Variants in TRIO observed in about 807,000 individuals in gnomAD.
TRIO encodes the protein trio Rho guanine nucleotide exchange factor.
In TRIO, 58 loss-of-function variants were observed where a neutral mutation model predicts 351.9. The ratio of observed to expected loss-of-function variants is 0.16; its 90% CI spans 0.13 to 0.21. The LOEUF (loss-of-function observed/expected upper bound fraction) is 0.21, where lower values mean the gene tolerates loss of function less well. Among genes scored for constraint, TRIO ranks in the 10% least tolerant of loss-of-function variants. The pLI, the probability that TRIO is intolerant of heterozygous loss-of-function variation, is 1.00. For missense variants in TRIO, 3,201 were observed against 4,027.8 expected, an observed-to-expected ratio of 0.79 and a Z score of 5.56; for synonymous variants, 1,758 against 1,595.7, an observed-to-expected ratio of 1.10 and a Z score of -2.42.
intron 21 of TRIO, chr5:14,387,205 A>G: frequency 2.2e-6 from 1 of 461,996 alleles, no homozygotes; most frequent in Middle Eastern, 5.6e-4. Context: ...AAATAGTCTA[A>G]GTTTATTCTT....
chr5:14,393,566 G>A (rs909091181), intron 27 of TRIO, among the ~76,000 whole-genome samples: 3 of 152,086 alleles, frequency 2.0e-5, no homozygotes, highest in African/African-American at 4.8e-5. Flanking sequence ...CTTCTTACCA[G>A]TAACAAGCAT....
chr5:14,158,192 C>T (rs1366360804), intron 1 of TRIO, among the ~76,000 whole-genome samples: 5 of 152,042 alleles, frequency 3.3e-5, no homozygotes, highest in Admixed American at 1.3e-4. Flanking sequence ...TTTAGGAGCC[C>T]GAAGCATGCG....
chr5:14,431,229 G>A (rs1426814202), intron 34 of TRIO, among the ~76,000 whole-genome samples: 1 of 152,192 alleles, frequency 6.6e-6, no homozygotes, highest in Non-Finnish European at 1.5e-5. Context: ...TGGGGCTTCT[G>A]AGACGTGTTC....
chr5:14,205,219 T>G (rs1581346712), intron 1 of TRIO, among the ~76,000 whole-genome samples: 2 of 152,076 alleles, frequency 1.3e-5, no homozygotes. Flanking sequence ...GCCAGGGAGG[T>G]GGAGTTACTT....
intron 5 of TRIO, among the ~76,000 whole-genome samples, 188 bp downstream of exon 5, chr5:14,291,416 A>G (rs1736891596): frequency 6.6e-6 from 1 of 151,948 alleles, no homozygotes; most frequent in African/African-American, 2.4e-5. Context: ...TGTGCAATAC[A>G]GTGCTGTTTT....
chr5:14,304,359 G>GA (rs1413468316), intron 7 of TRIO, 102 bp from the exon 8 acceptor site: 1 of 1,211,656 alleles, frequency 8.3e-7, no homozygotes, highest in African/African-American at 1.5e-5. Flanking sequence ...AAATTCTTAG[G>GA]ATCTCCCTCA....
intron 1 of TRIO, among the ~76,000 whole-genome samples, chr5:14,183,306 C>T (rs925251111): frequency 6.6e-6 from 1 of 152,088 alleles, no homozygotes; most frequent in African/African-American, 2.4e-5. Context: ...TGACTTCTCT[C>T]CATCAGCAAG....
intron 19 of TRIO, among the ~76,000 whole-genome samples, chr5:14,376,438 A>G (rs560596717): frequency 4.6e-5 from 7 of 152,346 alleles, no homozygotes; most frequent in Admixed American, 1.3e-4. Context: ...GTGCATGTAA[A>G]TGTAAATATG....
At chr5:14,498,710 T>C (rs1757071788) in intron 53 of TRIO, 70 bp downstream of exon 53, 2 of 1,585,270 alleles carry the variant, frequency 1.3e-6, no homozygotes, top group Non-Finnish European at 1.7e-6. Context: ...CCTTAAGTCC[T>C]GAGTCTGCCC....
At chr5:14,354,806 G>C (rs1196231271) in intron 11 of TRIO, among the ~76,000 whole-genome samples, 1 of 152,114 alleles carries the variant, frequency 6.6e-6, no homozygotes, top group Non-Finnish European at 1.5e-5. Context: ...CCATTGATTA[G>C]TACTATAGTT....
intron 2 of TRIO, among the ~76,000 whole-genome samples, chr5:14,272,930 A>AT (rs1413519668): frequency 6.6e-6 from 1 of 152,144 alleles, no homozygotes; most frequent in East Asian, 1.9e-4. Context: ...TCTCTAACTC[A>AT]TTTTTTTGTT....
At chr5:14,358,923 G>A (rs1172097064) in intron 12 of TRIO, among the ~76,000 whole-genome samples, 2 of 152,164 alleles carry the variant, frequency 1.3e-5, no homozygotes, top group South Asian at 4.1e-4. Context: ...ATAACTTTAC[G>A]TGACGTTCAC....
intron 2 of TRIO, among the ~76,000 whole-genome samples, chr5:14,273,740 C>T (rs374068123): frequency 1.3e-5 from 2 of 152,196 alleles, no homozygotes; most frequent in East Asian, 3.8e-4. Context: ...ATGGAGTTTG[C>T]GCCTAATGGC....
intron 34 of TRIO, among the ~76,000 whole-genome samples, chr5:14,437,383 T>A (rs1168542608): frequency 6.6e-6 from 1 of 152,172 alleles, no homozygotes; most frequent in Non-Finnish European, 1.5e-5. Context: ...CGGGGTGATG[T>A]TGTTCAGCTG....
chr5:14,441,588 A>G (rs1047719745), intron 34 of TRIO, among the ~76,000 whole-genome samples: 1 of 152,216 alleles, frequency 6.6e-6, no homozygotes, highest in Non-Finnish European at 1.5e-5. Context: ...AGCACTGCAC[A>G]TCCATTGTGT....
At chr5:14,417,142 C>T (rs1377915516) in intron 33 of TRIO, among the ~76,000 whole-genome samples, 1 of 152,206 alleles carries the variant, frequency 6.6e-6, no homozygotes, top group African/African-American at 2.4e-5. Context: ...CCAGGCTGGG[C>T]CTCTGCCTTT....
chr5:14,211,895 T>C (rs982384879), intron 1 of TRIO, among the ~76,000 whole-genome samples: 9 of 151,604 alleles, frequency 5.9e-5, no homozygotes, highest in Admixed American at 1.3e-4. Flanking sequence ...AAGGATCACT[T>C]GAGCCCTGGA....
chr5:14,478,224 C>T (rs539147314), intron 41 of TRIO, among the ~76,000 whole-genome samples: 19 of 152,308 alleles, frequency 1.2e-4, no homozygotes, highest in Non-Finnish European at 2.5e-4. Flanking sequence ...TGTATACTCC[C>T]TGGTTGAGTT....
intron 1 of TRIO, among the ~76,000 whole-genome samples, chr5:14,234,276 T>C (rs994417707): frequency 7.2e-5 from 11 of 152,138 alleles, no homozygotes; most frequent in Non-Finnish European, 1.0e-4. Context: ...GTGGTGATAG[T>C]TGGACAAGCT....
Sources: allele counts gnomAD v4.1 joint callset (sites outside exome capture counted in the v4.1 genomes callset), GRCh38; gene constraint gnomAD v4.1.1; transcripts MANE v1.5; gene names NCBI Gene and HGNC (gene_info 2026-07-23, HGNC 2026-07-21).